The following HSD17B12 variants were observed in gnomAD, a reference collection of about 807,000 sequenced individuals.
HSD17B12 encodes the protein very-long-chain 3-oxoacyl-CoA reductase.
Under a neutral mutation model 39.3 loss-of-function variants are expected in HSD17B12, and 32 were observed. The ratio of observed to expected loss-of-function variants is 0.81; its 90% CI spans 0.61 to 1.09. The LOEUF (loss-of-function observed/expected upper bound fraction) is 1.09, where lower values mean the gene tolerates loss of function less well. Ranked by LOEUF, HSD17B12 falls within the 50% of genes least tolerant of loss-of-function variation. HSD17B12 has a pLI of 0.00. For missense variants in HSD17B12, 342 were observed against 382.9 expected (o/e 0.89, Z 0.89); for synonymous variants, 150 against 146.7 (o/e 1.02, Z -0.16).
chr11:43,838,592 C>G (rs1444240228), intron 8 of HSD17B12, among the ~76,000 whole-genome samples, 194 bp downstream of exon 8: 1 of 152,046 alleles, frequency 6.6e-6, no homozygotes, highest in African/African-American at 2.4e-5. Context: ...TTACAATAAA[C>G]TTAATGTAAA....
chr11:43,714,773 ATTTG>A (rs1950105213), intron 1 of HSD17B12, among the ~76,000 whole-genome samples: 2 of 152,134 alleles, frequency 1.3e-5, no homozygotes, highest in Non-Finnish European at 2.9e-5. Context: ...ACGTTCTTCC[ATTTG>A]TTTGTATCCT....
At chr11:43,691,200 G>A (rs1028917843) in intron 1 of HSD17B12, among the ~76,000 whole-genome samples, 5 of 152,198 alleles carry the variant, frequency 3.3e-5, no homozygotes, top group African/African-American at 1.2e-4. Context: ...AGTAAAATGA[G>A]TGAAGTGGAC....
chr11:43,696,770 C>T (rs987671627), intron 1 of HSD17B12, among the ~76,000 whole-genome samples: 3 of 152,106 alleles, frequency 2.0e-5, no homozygotes, highest in Admixed American at 6.5e-5. Context: ...CTCAAATGCC[C>T]ATCAGTGACA....
the HSD17B12 span, among the ~76,000 whole-genome samples, chr11:43,652,354 A>G: frequency 6.6e-6 from 1 of 152,214 alleles, no homozygotes; most frequent in Non-Finnish European, 1.5e-5. Flanking sequence ...CACAATCATC[A>G]ACACAGAGAA....
intron 1 of HSD17B12, among the ~76,000 whole-genome samples, chr11:43,721,756 C>T (rs982283295): frequency 9.2e-5 from 14 of 152,054 alleles, no homozygotes; most frequent in African/African-American, 2.7e-4. Context: ...GGGGCATGAA[C>T]GAGGTCATGA....
chr11:43,667,540 G>A, the HSD17B12 span, among the ~76,000 whole-genome samples: 5 of 152,046 alleles, frequency 3.3e-5, no homozygotes, highest in South Asian at 2.1e-4. Context: ...TAATGAATAC[G>A]GATCGGGTAT....
At chr11:43,585,720 C>T in the HSD17B12 span, among the ~76,000 whole-genome samples, 1 of 152,194 alleles carries the variant, frequency 6.6e-6, no homozygotes, top group Non-Finnish European at 1.5e-5. Context: ...CTGAAGTCTG[C>T]AGCATCTATC....
intron 6 of HSD17B12, among the ~76,000 whole-genome samples, chr11:43,820,891 A>G (rs914925878): frequency 3.9e-5 from 6 of 152,216 alleles, no homozygotes; most frequent in Non-Finnish European, 5.9e-5. Context: ...CTGGCTTTAC[A>G]TTCCTTCAGA....
the HSD17B12 span, among the ~76,000 whole-genome samples, chr11:43,657,734 G>A: frequency 2.3e-4 from 35 of 152,302 alleles, no homozygotes; most frequent in African/African-American, 8.2e-4. Context: ...TTGACCCCCA[G>A]TCTCTTCTGG....
the HSD17B12 span, among the ~76,000 whole-genome samples, chr11:43,668,588 TA>T: frequency 6.6e-6 from 1 of 152,174 alleles, no homozygotes; most frequent in African/African-American, 2.4e-5. Flanking sequence ...TTTAAAAATT[TA>T]TATAGAAACT....
chr11:43,558,407 A>G, the HSD17B12 span, among the ~76,000 whole-genome samples: 5 of 124,874 alleles, frequency 4.0e-5, no homozygotes, highest in Middle Eastern at 3.7e-3. Flanking sequence ...TGGGAATTCC[A>G]TGTGTCTGAG....
Position 43,856,289 on chromosome 11 carries a change from T to C in HSD17B12, c.*1041T>C, listed in dbSNP as rs542925576. 6.6e-6 allele frequency: 1 copy of C among 152,330 alleles called. No homozygotes were observed. Among genetic ancestry groups the C allele is most frequent in the East Asian group, 1.9e-4 (1 of 5,190 alleles). The allele number at this position is 152,330 out of a possible 1,614,324, so 9.4% of individuals were successfully genotyped here. A position where few individuals can be genotyped will look rare whatever the true frequency, so the allele number is the denominator to read the frequency against. ...GACTTTTATCCTGCTTCATAACTTG[T>C]ATGGAGAACTCACCAAGAAAGAATT... On this transcript the variant is annotated 3_prime_UTR_variant, in exon 11 of 11. Transcript: ENST00000278353.
chr11:43,840,013 C>A lies in HSD17B12; in HGVS notation c.633C>A (p.Phe211Leu), dbSNP rs1951409686. The change falls in exon 9 of 11, where the codon TTC becomes TTA. Residue 211 changes from phenylalanine (F) to leucine (L), a missense_variant. Physicochemically the swap from Phe to Leu is conservative, Grantham distance 22 (BLOSUM62 0). Transcript: ENST00000278353. The part of the protein sequence containing the change: ...IYSATKTFVD[F>L]FSQCLHEEYR... Reference sequence around the variant, plus strand: ...TCCCCTCCCAGACTTTTGTAGATTTCTTCTCTCAGTGCCTCCATGAGGAGT... The same window carrying A: ...TCCCCTCCCAGACTTTTGTAGATTTATTCTCTCAGTGCCTCCATGAGGAGT... 6.2e-7 allele frequency: 1 copy of A among 1,612,240 alleles called. No homozygotes were observed.
chr11:43,811,666 A>T (rs1951074583), intron 4 of HSD17B12, among the ~76,000 whole-genome samples: 1 of 152,150 alleles, frequency 6.6e-6, no homozygotes, highest in South Asian at 2.1e-4. Flanking sequence ...TGTAATGATC[A>T]TGTCAGGGTG....
At chr11:43,738,726 G>A (rs867471226) in intron 1 of HSD17B12, among the ~76,000 whole-genome samples, 3 of 152,178 alleles carry the variant, frequency 2.0e-5, no homozygotes, top group African/African-American at 4.8e-5. Flanking sequence ...CTAGCAGTTA[G>A]ACTGTGATGA....
the HSD17B12 span, among the ~76,000 whole-genome samples, chr11:43,659,955 G>C: frequency 6.6e-6 from 1 of 152,008 alleles, no homozygotes; most frequent in East Asian, 1.9e-4. Flanking sequence ...TAGATTTTCA[G>C]CACTTTAGAA....
At chr11:43,579,936 C>G in the HSD17B12 span, among the ~76,000 whole-genome samples, 1 of 152,104 alleles carries the variant, frequency 6.6e-6, no homozygotes, top group African/African-American at 2.4e-5. Context: ...AATATGGCAA[C>G]TTTCCCCCCA....
chr11:43,578,609 G>A, the HSD17B12 span, among the ~76,000 whole-genome samples: 1 of 152,106 alleles, frequency 6.6e-6, no homozygotes, highest in Non-Finnish European at 1.5e-5. Flanking sequence ...GGACCTACTG[G>A]TTCCCTTTCC....
intron 1 of HSD17B12, among the ~76,000 whole-genome samples, chr11:43,720,689 T>G (rs1387544159): frequency 6.6e-6 from 1 of 152,186 alleles, no homozygotes; most frequent in Non-Finnish European, 1.5e-5. Flanking sequence ...CAAAAGAGCA[T>G]GTGGAATGGG....
Sources: gnomAD v4.1 joint callset for allele counts (sites outside exome capture counted in the v4.1 genomes callset) on GRCh38, gnomAD v4.1.1 for gene constraint, MANE v1.5 for transcripts, NCBI Gene and HGNC (gene_info 2026-07-23, HGNC 2026-07-21) for gene names.